IDI1: variants seen among roughly 807,000 people sequenced by gnomAD.
IDI1 encodes the protein isopentenyl-diphosphate delta isomerase 1.
A neutral mutation model predicts 32.9 loss-of-function variants in IDI1; 23 were observed. That is an observed-to-expected ratio of 0.70 (90% CI 0.50 to 0.99). IDI1 has a LOEUF of 0.99. IDI1 is among the 50% of genes least tolerant of loss of function. The pLI, the probability that IDI1 is intolerant of heterozygous loss-of-function variation, is 0.00. For missense variants in IDI1, 326 were observed against 351.9 expected (o/e 0.93, Z 0.59); for synonymous variants, 133 against 128.2 (o/e 1.04, Z -0.25).
rs1270708755 is a variant in IDI1, at chr10:1,040,050, T to C, written c.*1137A>G. The C allele has an allele frequency of 6.6e-5, 10 of 152,246 alleles. No individual in the cohort carries two copies. The highest frequency in any genetic ancestry group is 2.4e-4 in the African/African-American group (10 of 41,468). 9.4% of individuals were successfully genotyped at this position (152,246 alleles called of 1,614,324 possible). ...TAACTTTGCAAGAAATAAATTTTTA[T>C]TTTTCTTCATTATCATACAGCATTT... On this transcript the variant is annotated 3_prime_UTR_variant, in exon 5 of 5. Coordinates refer to ENST00000381344, the MANE Select transcript of IDI1 (RefSeq NM_004508.4).
chr10:1,047,794 A>G (rs138752571), intron 1 of IDI1, among the ~76,000 whole-genome samples: 157 of 152,374 alleles, frequency 1.0e-3, no homozygotes, highest in African/African-American at 3.4e-3. Flanking sequence ...GATCTCTTAT[A>G]GTATCTAAAA....
the IDI1 span, among the ~76,000 whole-genome samples, chr10:1,054,474 G>A: frequency 6.6e-6 from 1 of 152,154 alleles, no homozygotes; most frequent in Non-Finnish European, 1.5e-5. Context: ...GCAAAAATGA[G>A]TCTTAGTAAA....
At chr10:1,043,006 T>C (rs1049692141) in intron 3 of IDI1, among the ~76,000 whole-genome samples, 1 of 152,254 alleles carries the variant, frequency 6.6e-6, no homozygotes, top group African/African-American at 2.4e-5. Flanking sequence ...TGAAACAGAC[T>C]ACATTTGTAG....
At position 1,049,091 on chromosome 10, in the gene IDI1, CG is replaced by C; in HGVS notation, c.-89del. The C allele has an allele frequency of 7.1e-7, 1 of 1,408,160 alleles. No individual in the cohort carries two copies. The allele number at this position is 1,408,160 out of a possible 1,614,324, so 87.2% of individuals were successfully genotyped here. On this transcript the variant is annotated 5_prime_UTR_variant, in exon 1 of 5. Transcript: ENST00000381344. The stretch of plus-strand genomic sequence containing the variant: ...GTGCCACCTCCCTGGCCTGTGACAA[CG>C]GCAGACGCGCGAAGCACCGGGAACC...
intron 2 of IDI1, 43 bp downstream of exon 2, chr10:1,043,956 C>T: frequency 6.4e-7 from 1 of 1,559,360 alleles, no homozygotes; most frequent in Non-Finnish European, 8.8e-7. Flanking sequence ...TCGGAAATGC[C>T]TACACAAATC....
rs1338930791 is a variant in IDI1, at chr10:1,048,930, G to A, written c.74C>T (p.Ala25Val). The A allele has an allele frequency of 1.4e-5, 22 of 1,593,814 alleles. No individual in the cohort carries two copies. The highest frequency in any genetic ancestry group is 1.7e-5 in the Non-Finnish European group (20 of 1,173,130). ...GCGCCCGCTTTGAGCACAGTCTGCG[G>A]CGCGCACCGCCCACTGGCCCCGCCC... ...ARGRGQWAVRAADCAQSGRHP... is the reference protein window; with the variant it reads ...ARGRGQWAVRVADCAQSGRHP... The change falls in exon 1 of 5, where the codon GCC becomes GTC. Residue 25 changes from alanine to valine, a missense_variant. Coordinates refer to ENST00000381344, the MANE Select transcript of IDI1 (RefSeq NM_004508.4).
In IDI1 at chr10:1,041,104, A is replaced by G. The variant is rs1832564823; in HGVS notation, c.*83T>C. ...TAGAACTAAATTTAATGATAAATTA[A>G]TGATAGAACTAAATTTAAAAGGAAA... On this transcript the variant is annotated 3_prime_UTR_variant, in exon 5 of 5. Transcript: ENST00000381344. The G allele has an allele frequency of 1.3e-6, 1 of 752,164 alleles. No homozygotes were observed. The highest frequency in any genetic ancestry group is 1.8e-5 in the African/African-American group (1 of 56,602). The allele number at this position is 752,164 out of a possible 1,614,324, so 46.6% of individuals were successfully genotyped here.
chr10:1,043,530 C>G (rs1564485213), intron 2 of IDI1, 137 bp from the exon 3 acceptor site: 1 of 713,682 alleles, frequency 1.4e-6, no homozygotes, highest in African/African-American at 1.7e-5. Flanking sequence ...CATGCATAGT[C>G]TCTGCATGGC....
chr10:1,053,966 G>C (rs1833079119), upstream of IDI1, among the ~76,000 whole-genome samples: 1 of 152,188 alleles, frequency 6.6e-6, no homozygotes, highest in African/African-American at 2.4e-5. Context: ...TAGGGAGGCA[G>C]CTGGTCAGTG....
chr10:1,054,554 G>A, the IDI1 span, among the ~76,000 whole-genome samples: 3 of 152,332 alleles, frequency 2.0e-5, no homozygotes, highest in South Asian at 6.2e-4. Context: ...TGACAAAATA[G>A]AAATTGGTTT....
At position 1,044,036 on chromosome 10, in the gene IDI1, G is replaced by A; in HGVS notation, c.276C>T (p.Thr92=). 6.2e-7 allele frequency: 1 copy of A among 1,612,826 alleles called. No homozygotes were observed. The highest frequency in any genetic ancestry group is 1.1e-5 in the South Asian group (1 of 90,906). ...DENDNKIGAE[T]KKNCHLNENI... ...TCTCGTTCAGGTGACAATTCTTCTTGGTCTCAGCTCCAATTTTATTGTCAT... is the reference window on the plus strand; with the variant it reads ...TCTCGTTCAGGTGACAATTCTTCTTAGTCTCAGCTCCAATTTTATTGTCAT... The change falls in exon 2 of 5, where the codon ACC becomes ACT. Residue 92 remains threonine (T), a synonymous_variant. Coordinates refer to ENST00000381344, the MANE Select transcript of IDI1 (RefSeq NM_004508.4).
chr10:1,041,151 G>T lies in IDI1; in HGVS notation c.*36C>A. ...GAAAAAGTCATTCTAAGTTTGTTAAGCAGATAAATTTTTCTGTAATCATTT... is the reference window on the plus strand; with the variant it reads ...GAAAAAGTCATTCTAAGTTTGTTAATCAGATAAATTTTTCTGTAATCATTT... On this transcript the variant is annotated 3_prime_UTR_variant, in exon 5 of 5. Transcript: ENST00000381344. 1.7e-6 allele frequency: 2 copies of T among 1,170,520 alleles called. No individual in the cohort carries two copies. The highest frequency in any genetic ancestry group is 2.4e-6 in the Non-Finnish European group (2 of 817,458). 72.5% of individuals were successfully genotyped at this position (1,170,520 alleles called of 1,614,324 possible). A position where few individuals can be genotyped will look rare whatever the true frequency, so the allele number is the denominator to read the frequency against.
At chr10:1,042,142 T>C (rs1258780599) in intron 4 of IDI1, among the ~76,000 whole-genome samples, 1 of 152,188 alleles carries the variant, frequency 6.6e-6, no homozygotes, top group Non-Finnish European at 1.5e-5. Context: ...AAATTGCTTT[T>C]TGGAAAATAT....
intron 1 of IDI1, among the ~76,000 whole-genome samples, chr10:1,044,518 G>A (rs2131577936): frequency 6.6e-6 from 1 of 152,232 alleles, no homozygotes; most frequent in East Asian, 1.9e-4. Flanking sequence ...TTTTCATCCT[G>A]CTTTTCTACA....
intron 3 of IDI1, 46 bp downstream of exon 3, chr10:1,043,255 C>A: frequency 8.6e-7 from 1 of 1,159,296 alleles, no homozygotes; most frequent in South Asian, 1.3e-5. Context: ...GATAAAAAGT[C>A]AAATTAATGT....
At chr10:1,056,649 G>A in the IDI1 span, 1 of 152,228 alleles carries the variant, frequency 6.6e-6, no homozygotes, top group Non-Finnish European at 1.5e-5. Context: ...CGTTGGCCCA[G>A]CAGCCGAAGG....
upstream of IDI1, among the ~76,000 whole-genome samples, chr10:1,051,000 G>A (rs1444406756): frequency 6.6e-6 from 1 of 152,182 alleles, no homozygotes; most frequent in Non-Finnish European, 1.5e-5. Context: ...ACGAGTGGTG[G>A]ATTTTCCAAT....
At position 1,041,343 on chromosome 10, in the gene IDI1, C is replaced by T; in HGVS notation, c.699G>A (p.Lys233=). ...TTTTCAGAAGTTCTTTTAGTTCTTC[C>T]TTTGACACATAACAATAGCTTTTAA... ...NEIKSYCYVS[K]EELKELLKKA... is the part of the protein sequence containing the mutation. Residue 233 remains lysine (K), a synonymous_variant, in exon 5 of 5, where the codon AAG becomes AAA. Coordinates refer to ENST00000381344, the MANE Select transcript of IDI1 (RefSeq NM_004508.4). The T allele has an allele frequency of 1.2e-6, 2 of 1,613,726 alleles. No individual in the cohort carries two copies. The highest frequency in any genetic ancestry group is 2.2e-5 in the South Asian group (2 of 91,080).
the IDI1 span, among the ~76,000 whole-genome samples, chr10:1,055,372 A>G: frequency 2.7e-3 from 409 of 152,318 alleles, no homozygotes; most frequent in Non-Finnish European, 4.4e-3. Flanking sequence ...AGTGACTTTT[A>G]TGGAATCCTA....
Sources: allele counts gnomAD v4.1 joint callset (sites outside exome capture counted in the v4.1 genomes callset), GRCh38; gene constraint gnomAD v4.1.1; transcripts MANE v1.5; gene names NCBI Gene and HGNC (gene_info 2026-07-23, HGNC 2026-07-21).